MSRA: variants seen among roughly 807,000 people sequenced by gnomAD.
The protein encoded by MSRA is methionine sulfoxide reductase A.
A neutral mutation model predicts 31.3 loss-of-function variants in MSRA; 54 were observed. That is an observed-to-expected ratio of 1.73 (90% confidence interval 1.39 to 2.17). The LOEUF is 2.17. Ranked by LOEUF, MSRA falls within the 30% of genes most tolerant of loss-of-function variation. The probability of loss-of-function intolerance (pLI) is 0.00; values close to 1 mark genes in which losing one functional copy is unlikely to be tolerated. For missense variants in MSRA, 507 were observed against 300.9 expected (o/e 1.69, Z -5.07); for synonymous variants, 169 against 116.5 (o/e 1.45, Z -2.90).
At chr8:10,356,913 TA>T (rs1804543896) in intron 5 of MSRA, among the ~76,000 whole-genome samples, 3 of 138,690 alleles carry the variant, frequency 2.2e-5, no homozygotes, top group African/African-American at 8.0e-5. Flanking sequence ...AAAAAAAATA[TA>T]TGTGTCTTTG....
At chr8:10,186,040 C>A (rs1446953467) in intron 1 of MSRA, among the ~76,000 whole-genome samples, 1 of 152,198 alleles carries the variant, frequency 6.6e-6, no homozygotes, top group Non-Finnish European at 1.5e-5. Context: ...CCACACAATA[C>A]TGCATACGTA....
chr8:10,143,775 G>C (rs1248095245), intron 1 of MSRA, among the ~76,000 whole-genome samples: 2 of 152,130 alleles, frequency 1.3e-5, no homozygotes, highest in Admixed American at 6.5e-5. Context: ...TTGCGTCACT[G>C]CAAACCTGAC....
intron 3 of MSRA, among the ~76,000 whole-genome samples, chr8:10,291,150 T>C (rs954647629): frequency 6.6e-6 from 1 of 152,228 alleles, no homozygotes. Context: ...ACGGTTGCCA[T>C]TGACTGCTTT....
At chr8:10,199,833 C>T (rs140174348) in intron 1 of MSRA, among the ~76,000 whole-genome samples, 2 of 152,268 alleles carry the variant, frequency 1.3e-5, no homozygotes, top group East Asian at 3.9e-4. Flanking sequence ...GAAATGGAGT[C>T]CTTGAGTGTA....
intron 5 of MSRA, among the ~76,000 whole-genome samples, chr8:10,419,542 G>C (rs1808685783): frequency 2.0e-5 from 3 of 152,138 alleles, no homozygotes; most frequent in Admixed American, 2.0e-4. Flanking sequence ...GTGAAAGAGA[G>C]GCACCCTGCA....
At chr8:10,263,895 G>A (rs1005310593) in intron 3 of MSRA, among the ~76,000 whole-genome samples, 1 of 152,136 alleles carries the variant, frequency 6.6e-6, no homozygotes, top group African/African-American at 2.4e-5. Context: ...CTAAGATTTG[G>A]TCATTTTAAA....
At chr8:10,163,208 C>A (rs77894697) in intron 1 of MSRA, among the ~76,000 whole-genome samples, 365 of 152,284 alleles carry the variant, frequency 2.4e-3, no homozygotes, top group Non-Finnish European at 3.8e-3. Flanking sequence ...ATGAGAAATA[C>A]ACTTGTGGTG....
At chr8:10,131,604 C>G (rs539474773) in intron 1 of MSRA, among the ~76,000 whole-genome samples, 17 of 152,212 alleles carry the variant, frequency 1.1e-4, no homozygotes, top group Non-Finnish European at 2.2e-4. Context: ...CTAGTATTCA[C>G]ACATTGATGG....
intron 1 of MSRA, among the ~76,000 whole-genome samples, chr8:10,189,115 T>A (rs549524344): frequency 1.3e-5 from 2 of 152,340 alleles, no homozygotes; most frequent in African/African-American, 4.8e-5. Flanking sequence ...TTTCATGTTA[T>A]ATGTTGTTAT....
intron 1 of MSRA, among the ~76,000 whole-genome samples, chr8:10,106,524 TTATC>T (rs1307238451): frequency 6.6e-6 from 1 of 152,172 alleles, no homozygotes; most frequent in African/African-American, 2.4e-5. Context: ...TTTCTCTAGG[TTATC>T]TAAGTCAGTG....
At chr8:10,264,212 G>T (rs141118218) in intron 3 of MSRA, among the ~76,000 whole-genome samples, 1 of 152,196 alleles carries the variant, frequency 6.6e-6, no homozygotes, top group East Asian at 1.9e-4. Context: ...AACTCTACCT[G>T]TGTGTCATAA....
chr8:10,351,750 T>G (rs902743789), intron 5 of MSRA, among the ~76,000 whole-genome samples: 2 of 152,336 alleles, frequency 1.3e-5, no homozygotes, highest in African/African-American at 4.8e-5. Flanking sequence ...TAGAAGGCAG[T>G]ACTTCTCAAA....
At chr8:10,081,035 G>A (rs1798267981) in intron 1 of MSRA, among the ~76,000 whole-genome samples, 1 of 152,246 alleles carries the variant, frequency 6.6e-6, no homozygotes, top group Admixed American at 6.5e-5. Flanking sequence ...TGCCTGGGCA[G>A]GATGTCACAA....
chr8:10,281,332 G>C (rs1222346144), intron 3 of MSRA, among the ~76,000 whole-genome samples: 2 of 152,194 alleles, frequency 1.3e-5, no homozygotes, highest in Non-Finnish European at 2.9e-5. Context: ...CGTTGGAAAT[G>C]TCGAATAACA....
At chr8:10,136,914 G>C (rs1184394048) in intron 1 of MSRA, among the ~76,000 whole-genome samples, 1 of 152,240 alleles carries the variant, frequency 6.6e-6, no homozygotes, top group Non-Finnish European at 1.5e-5. Flanking sequence ...TGTCTGTCCA[G>C]CATGGACGGC....
intron 2 of MSRA, among the ~76,000 whole-genome samples, chr8:10,220,431 C>G (rs952889757): frequency 1.3e-5 from 2 of 152,186 alleles, no homozygotes; most frequent in Non-Finnish European, 2.9e-5. Context: ...AACAATCTTT[C>G]AAAAATATGC....
rs1179217078 is a variant in MSRA, at chr8:10,389,786, TAC to T, written c.544-38361_544-38360del. The stretch of plus-strand genomic sequence containing the variant: ...AGTCTTTTTTTTTTCCCCAGAAACT[TAC>T]TCTTTTTTTTTTTTTTTCTTTTTTA... On this transcript the variant is annotated intron_variant, in intron 5 of 5. Coordinates refer to ENST00000317173, the MANE Select transcript of MSRA (RefSeq NM_012331.5). Among the ~76,000 whole-genome samples, 510 of 114,656 alleles carry T rather than the reference TAC, an allele frequency of 4.4e-3. 5 individuals are homozygous for T. The highest frequency in any genetic ancestry group is 0.011 in the African/African-American group (365 of 32,338). The allele number at this position is 114,656 out of a possible 152,430, so 75.2% of individuals were successfully genotyped here. A position where few individuals can be genotyped will look rare whatever the true frequency, so the allele number is the denominator to read the frequency against.
At chr8:10,289,322 A>T (rs1273865997) in intron 3 of MSRA, among the ~76,000 whole-genome samples, 1 of 151,656 alleles carries the variant, frequency 6.6e-6, no homozygotes, top group Non-Finnish European at 1.5e-5. Context: ...CTTCTTTTTA[A>T]TTTTTGTGTG....
At chr8:10,208,803 C>A (rs78606210) in intron 2 of MSRA, among the ~76,000 whole-genome samples, 3,709 of 152,290 alleles carry the variant, frequency 0.024, 150 homozygotes, top group African/African-American at 0.084. Flanking sequence ...CCTGATTTCA[C>A]GCCTCCCGTA....
Sources: allele counts gnomAD v4.1 joint callset (sites outside exome capture counted in the v4.1 genomes callset), GRCh38; gene constraint gnomAD v4.1.1; transcripts MANE v1.5; gene names NCBI Gene and HGNC (gene_info 2026-07-23, HGNC 2026-07-21).